The following TMEM132C variants were observed in gnomAD, a reference collection of about 807,000 sequenced individuals.
TMEM132C encodes protein phosphatase 1, regulatory subunit 152.
A neutral mutation model predicts 61.4 loss-of-function variants in TMEM132C; 29 were observed. That is an observed-to-expected ratio of 0.47 (90% CI 0.35 to 0.64). The LOEUF is 0.64. Among genes scored for constraint, TMEM132C ranks in the 30% least tolerant of loss-of-function variants. TMEM132C has a pLI of 0.00. For synonymous variants in TMEM132C, 656 were observed against 633.1 expected, an observed-to-expected ratio of 1.04 and a Z score of -0.54; for missense variants, 1,408 against 1,476.9, an observed-to-expected ratio of 0.95 and a Z score of 0.76.
intron 3 of TMEM132C, among the ~76,000 whole-genome samples, chr12:128,610,790 G>C (rs139777375): frequency 6.6e-6 from 1 of 152,116 alleles, no homozygotes; most frequent in Non-Finnish European, 1.5e-5. Flanking sequence ...CCAGTACAAC[G>C]TGCATTATGG....
chr12:128,337,373 T>C (rs1872818371), intron 1 of TMEM132C, among the ~76,000 whole-genome samples: 1 of 152,214 alleles, frequency 6.6e-6, no homozygotes, highest in Non-Finnish European at 1.5e-5. Flanking sequence ...TTCAGCCTCA[T>C]CATTAGCTAT....
intron 2 of TMEM132C, among the ~76,000 whole-genome samples, chr12:128,488,935 C>T (rs1015403009): frequency 5.9e-5 from 9 of 151,942 alleles, no homozygotes; most frequent in African/African-American, 2.2e-4. Flanking sequence ...GCTGTTCGTC[C>T]CACCCAGGTT....
chr12:128,422,181 C>T (rs918712666), intron 2 of TMEM132C, among the ~76,000 whole-genome samples: 3 of 152,164 alleles, frequency 2.0e-5, no homozygotes, highest in Non-Finnish European at 4.4e-5. Context: ...CTCTGTGCTC[C>T]TGAACCCCTG....
chr12:128,390,918 ATCT>A (rs942616608), intron 1 of TMEM132C, among the ~76,000 whole-genome samples: 25 of 152,304 alleles, frequency 1.6e-4, no homozygotes, highest in African/African-American at 5.8e-4. Flanking sequence ...GAATCAGATC[ATCT>A]TCTAGCTTCC....
At chr12:128,558,404 G>A (rs1456617547) in intron 3 of TMEM132C, among the ~76,000 whole-genome samples, 1 of 152,186 alleles carries the variant, frequency 6.6e-6, no homozygotes, top group East Asian at 1.9e-4. Context: ...AGTCTCATGA[G>A]ATCTGATTGT....
chr12:128,498,439 G>T (rs1203820118), intron 2 of TMEM132C, among the ~76,000 whole-genome samples: 1 of 152,182 alleles, frequency 6.6e-6, no homozygotes, highest in Non-Finnish European at 1.5e-5. Flanking sequence ...ACTTTGAGAG[G>T]CTGAGGCAGG....
At chr12:128,390,551 A>G (rs771154243) in intron 1 of TMEM132C, among the ~76,000 whole-genome samples, 2 of 152,114 alleles carry the variant, frequency 1.3e-5, no homozygotes, top group South Asian at 2.1e-4. Context: ...CTGGCTTACT[A>G]TCAGCCGACT....
intron 1 of TMEM132C, among the ~76,000 whole-genome samples, chr12:128,381,446 G>T (rs1451256324): frequency 1.2e-4 from 18 of 152,226 alleles, no homozygotes; most frequent in Admixed American, 1.2e-3. Flanking sequence ...CCGGTCTTCA[G>T]GGAGAAGCGG....
intron 1 of TMEM132C, among the ~76,000 whole-genome samples, chr12:128,362,158 G>C (rs142957539): frequency 1.3e-3 from 192 of 152,118 alleles, no homozygotes; most frequent in African/African-American, 4.0e-3. Flanking sequence ...CATCAGTTGT[G>C]GCCTCAGCTC....
chr12:128,516,692 G>A (rs1170494992), intron 2 of TMEM132C, among the ~76,000 whole-genome samples: 3 of 151,976 alleles, frequency 2.0e-5, no homozygotes, highest in African/African-American at 4.8e-5. Flanking sequence ...TGGGAGGATC[G>A]CTTGAGGCCA....
chr12:128,669,604 C>T (rs1489612319), intron 5 of TMEM132C, 44 bp downstream of exon 5: 1 of 1,542,684 alleles, frequency 6.5e-7, no homozygotes, highest in Non-Finnish European at 8.8e-7. Flanking sequence ...GTGGGAACTT[C>T]ACTTGGACAT....
At chr12:128,666,937 G>T (rs1954483439) in intron 4 of TMEM132C, among the ~76,000 whole-genome samples, 1 of 151,748 alleles carries the variant, frequency 6.6e-6, no homozygotes, top group African/African-American at 2.4e-5. Context: ...GGGCGTGGTG[G>T]CCGGTGCCTG....
intron 3 of TMEM132C, among the ~76,000 whole-genome samples, chr12:128,546,767 A>C (rs1873965336): frequency 1.3e-5 from 2 of 152,212 alleles, no homozygotes; most frequent in African/African-American, 4.8e-5. Flanking sequence ...CATTGTGGTC[A>C]TGTTGGACCC....
intron 3 of TMEM132C, among the ~76,000 whole-genome samples, chr12:128,600,016 G>C (rs770838738): frequency 6.6e-6 from 1 of 151,978 alleles, no homozygotes; most frequent in Admixed American, 6.6e-5. Flanking sequence ...ACAGAGTCTG[G>C]CTGTCACCCA....
rs567286652 is a variant in TMEM132C at position 128,707,312 on chromosome 12, A to C, written c.*1017A>C. 9 of 152,334 alleles carry C rather than the reference A, an allele frequency of 5.9e-5. No individual in the cohort carries two copies. The highest frequency in any genetic ancestry group is 1.7e-4 in the African/African-American group (7 of 41,580). The allele number at this position is 152,334 out of a possible 1,614,324, so 9.4% of individuals were successfully genotyped here. A position where few individuals can be genotyped will look rare whatever the true frequency, so the allele number is the denominator to read the frequency against. ...TCCTATATGGGAGAAAGTTGGGTTA[A>C]ATCAAAAAAGAGGCCACGCCCAGGT... On this transcript the variant is annotated 3_prime_UTR_variant, in exon 9 of 9. Transcript: ENST00000435159.
intron 2 of TMEM132C, among the ~76,000 whole-genome samples, chr12:128,518,845 C>T (rs1459608270): frequency 2.0e-5 from 3 of 152,086 alleles, no homozygotes; most frequent in Non-Finnish European, 4.4e-5. Context: ...CCAGCTTAGA[C>T]ACTTACTAGC....
intron 3 of TMEM132C, among the ~76,000 whole-genome samples, chr12:128,557,662 G>A (rs1016639557): frequency 2.0e-5 from 3 of 152,130 alleles, no homozygotes; most frequent in African/African-American, 7.2e-5. Context: ...CATATTCACA[G>A]TCTTCTCAGC....
chr12:128,470,738 A>G (rs975792671), intron 2 of TMEM132C, among the ~76,000 whole-genome samples: 3 of 152,198 alleles, frequency 2.0e-5, no homozygotes, highest in African/African-American at 7.2e-5. Context: ...AGGTATCTGT[A>G]CACTTTTTCT....
rs562145495 is a variant in TMEM132C at position 128,686,833 on chromosome 12, T to G, written c.1450-6996T>G. ...CAGGTAAAATCTACAGTGCATCAGGTGACAGTAAGCAATCTAGAGAGAGGA... is the reference window on the plus strand; with the variant it reads ...CAGGTAAAATCTACAGTGCATCAGGGGACAGTAAGCAATCTAGAGAGAGGA... On this transcript the variant is annotated intron_variant, in intron 5 of 8. Transcript: ENST00000435159. 9.5e-4 allele frequency among the ~76,000 whole-genome samples: 145 copies of G among 151,994 alleles called. 1 individual carries two copies. Among genetic ancestry groups the G allele is most frequent in the African/African-American group, 3.3e-3 (136 of 41,426 alleles).
Sources: gnomAD v4.1 joint callset for allele counts (sites outside exome capture counted in the v4.1 genomes callset) on GRCh38, gnomAD v4.1.1 for gene constraint, MANE v1.5 for transcripts, NCBI Gene and HGNC (gene_info 2026-07-23, HGNC 2026-07-21) for gene names.